The following SANBR variants were observed in gnomAD, a reference collection of about 807,000 sequenced individuals.
The protein encoded by SANBR is SANT and BTB domain regulator of CSR.
A neutral mutation model predicts 101.8 loss-of-function variants in SANBR; 77 were observed. That is an observed-to-expected ratio of 0.76 (90% confidence interval 0.63 to 0.91). SANBR has a LOEUF of 0.91. Ranked by LOEUF, SANBR falls within the 40% of genes least tolerant of loss-of-function variation. The pLI is 0.00. For synonymous variants in SANBR, 279 were observed against 274.7 expected, an observed-to-expected ratio of 1.02 and a Z score of -0.15; for missense variants, 875 against 853.0, an observed-to-expected ratio of 1.03 and a Z score of -0.32.
At chr2:61,086,647 G>A (rs1291190946) in intron 8 of SANBR, among the ~76,000 whole-genome samples, 4 of 152,304 alleles carry the variant, frequency 2.6e-5, no homozygotes, top group Middle Eastern at 3.4e-3. Flanking sequence ...ATGTGACCAA[G>A]TGGATTTAGA....
At chr2:61,100,168 G>A (rs947927299) in intron 12 of SANBR, among the ~76,000 whole-genome samples, 9 of 152,164 alleles carry the variant, frequency 5.9e-5, no homozygotes, top group Admixed American at 5.2e-4. Flanking sequence ...GCAATGGCAC[G>A]ATCTCAGCTC....
At chr2:61,095,413 A>G (rs1460913284) in intron 11 of SANBR, among the ~76,000 whole-genome samples, 1 of 152,234 alleles carries the variant, frequency 6.6e-6, no homozygotes, top group Non-Finnish European at 1.5e-5. Context: ...CATTATGTGA[A>G]CATCACAATT....
intron 6 of SANBR, among the ~76,000 whole-genome samples, chr2:61,079,504 A>T (rs1319377029): frequency 1.3e-5 from 2 of 152,212 alleles, no homozygotes; most frequent in Admixed American, 1.3e-4. Flanking sequence ...TTAGTGATCA[A>T]ATTAATAGGA....
intron 6 of SANBR, among the ~76,000 whole-genome samples, chr2:61,080,303 A>G (rs1451761570): frequency 6.6e-6 from 1 of 152,110 alleles, no homozygotes; most frequent in Non-Finnish European, 1.5e-5. Context: ...TATTCTAACC[A>G]GGAAAACTAC....
At chr2:61,081,406 T>C (rs1277934256) in intron 6 of SANBR, 46 bp from the exon 7 acceptor site, 3 of 1,548,840 alleles carry the variant, frequency 1.9e-6, no homozygotes, top group East Asian at 2.3e-5. Flanking sequence ...TCAGAGGAGA[T>C]TGGGGTACCC....
intron 11 of SANBR, among the ~76,000 whole-genome samples, chr2:61,093,036 G>C (rs1419644001): frequency 6.6e-6 from 1 of 151,924 alleles, no homozygotes; most frequent in Non-Finnish European, 1.5e-5. Context: ...GGGAGGCTGA[G>C]GCAGGAGAAT....
At chr2:61,080,398 C>T (rs1682048360) in intron 6 of SANBR, among the ~76,000 whole-genome samples, 1 of 152,038 alleles carries the variant, frequency 6.6e-6, no homozygotes, top group South Asian at 2.1e-4. Flanking sequence ...GGTGCTTTTT[C>T]ACCAGCTTTT....
chr2:61,080,736 CA>C (rs370174996), intron 6 of SANBR, among the ~76,000 whole-genome samples: 14 of 149,320 alleles, frequency 9.4e-5, no homozygotes, highest in African/African-American at 3.2e-4. Flanking sequence ...AAAACAACAA[CA>C]AAAAAAAACA....
intron 14 of SANBR, among the ~76,000 whole-genome samples, chr2:61,107,704 G>A (rs902113512): frequency 1.3e-5 from 2 of 152,088 alleles, no homozygotes; most frequent in African/African-American, 4.8e-5. Flanking sequence ...TGGTCAAGAT[G>A]GCGAAACCCT....
chr2:61,122,377 T>C lies in SANBR; in HGVS notation c.*215T>C. ...CTTTTTAAATCTGATTTTCTTCTAA[T>C]ATCATTCTAGGCTATGTAGAAAGCA... On this transcript the variant is annotated 3_prime_UTR_variant, in exon 22 of 22. Transcript: ENST00000402291. 1 of 1,257,534 alleles carries C rather than the reference T, an allele frequency of 8.0e-7. No homozygotes were observed. The highest frequency in any genetic ancestry group is 1.0e-6 in the Non-Finnish European group (1 of 988,374). The allele number at this position is 1,257,534 out of a possible 1,614,324, so 77.9% of individuals were successfully genotyped here.
intron 11 of SANBR, among the ~76,000 whole-genome samples, chr2:61,097,219 G>A (rs1338889480): frequency 6.6e-6 from 1 of 152,168 alleles, no homozygotes; most frequent in Non-Finnish European, 1.5e-5. Flanking sequence ...GAAAACATTT[G>A]AGGTGATTGG....
At chr2:61,067,023 A>T (rs529969168) in intron 1 of SANBR, among the ~76,000 whole-genome samples, 1 of 152,154 alleles carries the variant, frequency 6.6e-6, no homozygotes, top group South Asian at 2.1e-4. Flanking sequence ...ACCGTTTTTG[A>T]TAAATTTATA....
At chr2:61,103,738 A>T (rs1456993558) in intron 12 of SANBR, 115 bp from the exon 13 acceptor site, 4 of 949,232 alleles carry the variant, frequency 4.2e-6, no homozygotes, top group African/African-American at 1.7e-5. Flanking sequence ...TCTTGAGAAA[A>T]AGTTATAAAA....
intron 16 of SANBR, among the ~76,000 whole-genome samples, chr2:61,110,310 G>A (rs1336953438): frequency 3.3e-5 from 5 of 152,230 alleles, no homozygotes; most frequent in African/African-American, 7.2e-5. Flanking sequence ...TTGGGAAGCC[G>A]AGGCAGGCAG....
chr2:61,129,415 A>G (rs919755155), intron 20 of SANBR, among the ~76,000 whole-genome samples: 3 of 151,384 alleles, frequency 2.0e-5, no homozygotes, highest in Non-Finnish European at 2.9e-5. Context: ...CTGCACTCCA[A>G]CGTGAGCAAC....
intron 16 of SANBR, among the ~76,000 whole-genome samples, chr2:61,112,474 A>G (rs545749319): frequency 4.7e-4 from 70 of 150,518 alleles, no homozygotes; most frequent in African/African-American, 1.7e-3. Flanking sequence ...CCCCTAGTCT[A>G]TGCCTTGCCT....
intron 12 of SANBR, among the ~76,000 whole-genome samples, chr2:61,103,224 C>T (rs139984757): frequency 2.4e-4 from 36 of 151,676 alleles, no homozygotes; most frequent in African/African-American, 8.5e-4. Context: ...CAATCTCGAC[C>T]TCCCTGAGCT....
intron 20 of SANBR, among the ~76,000 whole-genome samples, chr2:61,131,995 A>T (rs1159181241): frequency 6.6e-6 from 1 of 152,260 alleles, no homozygotes; most frequent in African/African-American, 2.4e-5. Context: ...TTGGATCCTT[A>T]CATCACACCA....
At chr2:61,137,002 A>C in intron 21 of SANBR, among the ~76,000 whole-genome samples, 1 of 151,752 alleles carries the variant, frequency 6.6e-6, no homozygotes, top group East Asian at 1.9e-4. Flanking sequence ...GATAATAATA[A>C]TAATAATAAT....
Sources: allele counts gnomAD v4.1 joint callset (sites outside exome capture counted in the v4.1 genomes callset), GRCh38; gene constraint gnomAD v4.1.1; transcripts MANE v1.5; gene names NCBI Gene and HGNC (gene_info 2026-07-23, HGNC 2026-07-21).